The following FGF13 variants were observed in gnomAD, a reference collection of about 807,000 sequenced individuals.
FGF13 encodes the protein fibroblast growth factor homologous factor 2.
Under a neutral mutation model 19.5 loss-of-function variants are expected in FGF13, and 2 were observed. The ratio of observed to expected loss-of-function variants is 0.10; its 90% CI spans 0.04 to 0.32. FGF13 has a LOEUF of 0.32. Among genes scored for constraint, FGF13 ranks in the 10% least tolerant of loss-of-function variants. FGF13 has a pLI of 1.00. For missense variants in FGF13, 113 were observed against 192.7 expected, an observed-to-expected ratio of 0.59 and a Z score of 2.45; for synonymous variants, 72 against 76.9, an observed-to-expected ratio of 0.94 and a Z score of 0.33.
chrX:138,694,521 G>T (rs1424169260), intron 3 of FGF13, among the ~76,000 whole-genome samples: 1 of 103,421 alleles, frequency 9.7e-6, no homozygotes. Flanking sequence ...CGCAATCTTG[G>T]CTCACTGCAA....
rs202184653 is a variant in FGF13, at chrX:139,013,479, TTATATATATATATATATATATATATA to T, written c.-112-148855_-112-148830del. On this transcript the variant is annotated intron_variant, in intron 1 of 2. Transcript: ENST00000421460. ...AATCAATGAATGGATAAAGAAAATT[TTATATATATATATATATATATATATA>T]TATATATATATATATATATATATAT... is the stretch of plus-strand genomic sequence containing the variant. Among the ~76,000 whole-genome samples, 534 of 71,008 alleles carry T rather than the reference TTATATATATATATATATATATATATA, an allele frequency of 7.5e-3. 14 individuals are homozygous for T. In the South Asian group the frequency reaches 0.084, roughly 11 times the overall value. The allele number at this position is 71,008 out of a possible 115,157, so 61.7% of individuals were successfully genotyped here. A position where few individuals can be genotyped will look rare whatever the true frequency, so the allele number is the denominator to read the frequency against.
intron 3 of FGF13, among the ~76,000 whole-genome samples, chrX:138,815,055 G>A (rs2090952179): frequency 9.0e-6 from 1 of 111,190 alleles, no homozygotes; most frequent in Non-Finnish European, 1.9e-5. Flanking sequence ...GGGTGAACCT[G>A]GAGGGCATCA....
rs554318351 is a variant in FGF13, at chrX:138,809,932, C to T, written c.217+47580G>A. ...AGGAGAACTACAAACCCCTGCTCAA[C>T]GAAATAAAAGAGGACACAAACAAAC... On this transcript the variant is annotated intron_variant, in intron 3 of 6. Transcript: ENST00000436198. 7.2e-5 allele frequency among the ~76,000 whole-genome samples: 8 copies of T among 111,115 alleles called. No individual in the cohort carries two copies. In the South Asian group the frequency reaches 2.3e-3, roughly 32 times the overall value.
At chrX:138,643,572 C>T (rs1011858111) in intron 3 of FGF13, among the ~76,000 whole-genome samples, 6 of 111,924 alleles carry the variant, frequency 5.4e-5, no homozygotes, top group African/African-American at 9.7e-5. Context: ...CAGAAGGATA[C>T]GGATTGTTTA....
At chrX:138,903,725 G>A (rs2091543758) in intron 1 of FGF13, among the ~76,000 whole-genome samples, 1 of 111,720 alleles carries the variant, frequency 9.0e-6, no homozygotes, top group African/African-American at 3.3e-5. Flanking sequence ...ATTAAAACTT[G>A]AGAAAATTCT....
At chrX:138,796,028 AT>A (rs773329560) in intron 3 of FGF13, among the ~76,000 whole-genome samples, 4 of 110,148 alleles carry the variant, frequency 3.6e-5, no homozygotes, top group East Asian at 2.9e-4. Flanking sequence ...TTCTTCTTGA[AT>A]TTTTTTTAGT....
intron 1 of FGF13, among the ~76,000 whole-genome samples, chrX:138,731,146 T>G (rs2090227261): frequency 1.8e-5 from 2 of 111,562 alleles, no homozygotes; most frequent in Non-Finnish European, 3.8e-5. Context: ...TACTCATCTT[T>G]CAAAAATTGA....
In FGF13 at chrX:138,670,854, G is replaced by A. The variant is rs1459596584; in HGVS notation, c.402+32130C>T. On this transcript the variant is annotated intron_variant, in intron 3 of 4. Transcript: ENST00000315930. ...TCAAGTCATCTGAGGACAAGAGTTA[G>A]CATAGTTTGAGTTAATCTAGAAAAT... Among the ~76,000 whole-genome samples, 5 of 111,605 alleles carry A rather than the reference G, an allele frequency of 4.5e-5. No individual in the cohort carries two copies. The Admixed American group carries it at 4.8e-4, about 11-fold the overall frequency.
chrX:138,797,503 C>A (rs2123992252), intron 3 of FGF13, among the ~76,000 whole-genome samples: 1 of 111,372 alleles, frequency 9.0e-6, no homozygotes, highest in East Asian at 2.8e-4. Flanking sequence ...ATGGCTCCAG[C>A]TTTGTTCTTT....
rs747320968 is a variant in FGF13, at chrX:139,134,073, C to T, written c.-113+69343G>A. Among the ~76,000 whole-genome samples the T allele has an allele frequency of 6.3e-5, 7 of 111,350 alleles. No homozygotes were observed. In the South Asian group the frequency reaches 1.9e-3, roughly 31 times the overall value. ...CTTTGCCTCTTCTTTCCATTTTTCC[C>T]ACCTGGCAACCCCCTAACTCCAGAT... On this transcript the variant is annotated intron_variant, in intron 1 of 2. Transcript: ENST00000421460.
At chrX:138,987,922 G>C (rs1414238578) in intron 1 of FGF13, among the ~76,000 whole-genome samples, 1 of 111,841 alleles carries the variant, frequency 8.9e-6, no homozygotes, top group Non-Finnish European at 1.9e-5. Context: ...ATACCTTGGA[G>C]GATAGGAATG....
upstream of FGF13, chrX:138,714,313 G>C (rs2090081271): frequency 9.0e-6 from 1 of 111,725 alleles, no homozygotes; most frequent in Non-Finnish European, 1.9e-5. Context: ...TTTTGAAATT[G>C]GGTCCAAATC....
chrX:138,966,342 G>T (rs189370358), intron 1 of FGF13, among the ~76,000 whole-genome samples: 339 of 112,304 alleles, frequency 3.0e-3, no homozygotes, highest in Non-Finnish European at 4.4e-3. Context: ...GCAGGGGGCT[G>T]TACCCTGCAA....
intron 3 of FGF13, chrX:138,806,553 T>C (rs1050869759): frequency 8.9e-6 from 1 of 112,263 alleles, no homozygotes; most frequent in Non-Finnish European, 1.9e-5. Context: ...CAGAAGAGTA[T>C]TTAAATTCAT....
intron 3 of FGF13, among the ~76,000 whole-genome samples, chrX:138,671,382 G>A (rs183067062): frequency 1.2e-4 from 13 of 111,568 alleles, no homozygotes; most frequent in African/African-American, 2.9e-4. Flanking sequence ...TACAGGCAAC[G>A]TTTATCAATA....
chrX:138,639,832 T>C (rs1035393811), intron 3 of FGF13, among the ~76,000 whole-genome samples: 35 of 108,583 alleles, frequency 3.2e-4, no homozygotes, highest in Non-Finnish European at 1.3e-4. Context: ...CTACCAAAAA[T>C]ACAAAAAAAA....
chrX:138,957,900 G>T lies in FGF13; in HGVS notation c.-112-93250C>A, dbSNP rs752805054. On this transcript the variant is annotated intron_variant, in intron 1 of 2. Coordinates refer to the FGF13 transcript ENST00000421460. ...TGTATTCTGAGACTTTGCTGAAGTT[G>T]CTTATCAGCTTAAGGAGATTTTGTG... Among the ~76,000 whole-genome samples the T allele has an allele frequency of 7.1e-5, 8 of 112,202 alleles. No homozygotes were observed. In the East Asian group the frequency reaches 2.3e-3, roughly 32 times the overall value.
intron 1 of FGF13, among the ~76,000 whole-genome samples, chrX:138,941,537 A>G (rs2091758171): frequency 8.9e-6 from 1 of 112,191 alleles, no homozygotes; most frequent in Admixed American, 9.5e-5. Flanking sequence ...AACACTGCTA[A>G]AAGAAATCAG....
intron 1 of FGF13, among the ~76,000 whole-genome samples, chrX:138,722,776 T>G (rs1488963856): frequency 9.0e-6 from 1 of 111,101 alleles, no homozygotes; most frequent in Admixed American, 9.6e-5. Context: ...AAATGAAAAA[T>G]ATAACCTTTC....
Sources: allele counts gnomAD v4.1 joint callset (sites outside exome capture counted in the v4.1 genomes callset), GRCh38; gene constraint gnomAD v4.1.1; transcripts MANE v1.5; gene names NCBI Gene and HGNC (gene_info 2026-07-23, HGNC 2026-07-21).